Variants in DPP10 observed in about 807,000 individuals in gnomAD.
DPP10 encodes dipeptidyl peptidase like 10, also known as inactive dipeptidyl peptidase 10.
Under a neutral mutation model 120.9 loss-of-function variants are expected in DPP10, and 33 were observed. The observed-to-expected ratio is 0.27, with a 90% CI of 0.21 to 0.37. The LOEUF (loss-of-function observed/expected upper bound fraction) is 0.37. Among genes scored for constraint, DPP10 ranks in the 10% least tolerant of loss-of-function variants. The pLI is 1.00. For synonymous variants in DPP10, 337 were observed against 326.1 expected, an observed-to-expected ratio of 1.03 and a Z score of -0.36; for missense variants, 816 against 942.8, an observed-to-expected ratio of 0.87 and a Z score of 1.76.
intron 13 of DPP10, among the ~76,000 whole-genome samples, chr2:115,775,150 A>G (rs563940331): frequency 6.6e-6 from 1 of 152,220 alleles, no homozygotes; most frequent in Non-Finnish European, 1.5e-5. Context: ...TTATATGCAT[A>G]TATGAAATTA....
intron 5 of DPP10, among the ~76,000 whole-genome samples, chr2:115,661,582 T>A (rs1034232494): frequency 7.9e-5 from 12 of 152,200 alleles, no homozygotes; most frequent in Non-Finnish European, 1.3e-4. Flanking sequence ...AAAGGCTCTA[T>A]GGAGTAGAAG....
intron 5 of DPP10, among the ~76,000 whole-genome samples, chr2:115,596,228 C>T (rs1286910846): frequency 6.6e-6 from 1 of 152,132 alleles, no homozygotes; most frequent in African/African-American, 2.4e-5. Flanking sequence ...CAGTATCTGA[C>T]CTGCCTGTGT....
At chr2:115,475,191 G>A (rs905006698) in intron 3 of DPP10, among the ~76,000 whole-genome samples, 3 of 152,098 alleles carry the variant, frequency 2.0e-5, no homozygotes, top group Non-Finnish European at 2.9e-5. Context: ...TAGGAGGTCT[G>A]AATGGTTTTG....
chr2:114,457,845 C>G (rs1678667487), intron 1 of DPP10, among the ~76,000 whole-genome samples: 1 of 152,144 alleles, frequency 6.6e-6, no homozygotes. Context: ...AGTAGCACAG[C>G]TATCACCATT....
At chr2:114,723,021 C>T (rs1048685606) in intron 1 of DPP10, among the ~76,000 whole-genome samples, 1 of 152,072 alleles carries the variant, frequency 6.6e-6, no homozygotes, top group Non-Finnish European at 1.5e-5. Flanking sequence ...CTTAAGCTAT[C>T]AAGGATGGAA....
At chr2:115,203,484 G>A (rs2055890117) in intron 1 of DPP10, among the ~76,000 whole-genome samples, 1 of 152,106 alleles carries the variant, frequency 6.6e-6, no homozygotes, top group African/African-American at 2.4e-5. Context: ...AGATTGGAGA[G>A]GGAGATGCTG....
chr2:114,690,425 C>T (rs1449040268), intron 1 of DPP10, among the ~76,000 whole-genome samples: 2 of 151,986 alleles, frequency 1.3e-5, no homozygotes, highest in Non-Finnish European at 2.9e-5. Flanking sequence ...GTTCTTCATT[C>T]TGTTCCATTG....
At chr2:115,366,415 A>G (rs888109639) in intron 3 of DPP10, among the ~76,000 whole-genome samples, 3 of 152,016 alleles carry the variant, frequency 2.0e-5, no homozygotes, top group African/African-American at 4.8e-5. Flanking sequence ...ACTTTATTAT[A>G]TAGCCTTTTT....
intron 1 of DPP10, among the ~76,000 whole-genome samples, chr2:115,063,201 G>A (rs768152399): frequency 6.6e-6 from 1 of 152,116 alleles, no homozygotes; most frequent in Non-Finnish European, 1.5e-5. Context: ...TTTGAGAAGT[G>A]TCTGTTCATG....
At chr2:115,160,690 C>G (rs1322521135) in intron 1 of DPP10, among the ~76,000 whole-genome samples, 1 of 152,164 alleles carries the variant, frequency 6.6e-6, no homozygotes, top group Admixed American at 6.5e-5. Context: ...AGGCTTTAGG[C>G]GCCCTAGGGA....
At chr2:115,616,577 T>C (rs1200908503) in intron 5 of DPP10, among the ~76,000 whole-genome samples, 1 of 152,112 alleles carries the variant, frequency 6.6e-6, no homozygotes, top group Non-Finnish European at 1.5e-5. Context: ...GTTTGTAACA[T>C]TAGCAAAAAT....
Position 114,993,685 on chromosome 2 carries a change from C to T in DPP10, c.61-315554C>T, listed in dbSNP as rs188298062. ...TACCCTATGCATAAAATTTACAGAG[C>T]GTGCATATGCTTGCAAATACTTCAT... On this transcript the variant is annotated intron_variant, in intron 1 of 25. Coordinates refer to ENST00000410059, the MANE Select transcript of DPP10 (RefSeq NM_020868.6). Among the ~76,000 whole-genome samples the T allele has an allele frequency of 2.2e-3, 329 of 149,410 alleles. 1 individual carries two copies. The highest frequency in any genetic ancestry group is 4.2e-3 in the Admixed American group (63 of 14,846).
chr2:115,819,457 T>C (rs1687589667), intron 21 of DPP10, among the ~76,000 whole-genome samples: 1 of 152,180 alleles, frequency 6.6e-6, no homozygotes, highest in Non-Finnish European at 1.5e-5. Context: ...ACTCTCTTGC[T>C]CTCATTTGCA....
At chr2:115,802,074 T>A (rs182818496) in intron 19 of DPP10, among the ~76,000 whole-genome samples, 1 of 152,304 alleles carries the variant, frequency 6.6e-6, no homozygotes, top group Admixed American at 6.6e-5. Flanking sequence ...GGACTTTTTT[T>A]GGTTGGTAAG....
intron 1 of DPP10, among the ~76,000 whole-genome samples, chr2:114,717,533 A>G (rs573333104): frequency 6.6e-6 from 1 of 152,354 alleles, no homozygotes; most frequent in African/African-American, 2.4e-5. Flanking sequence ...AAAGATTTAT[A>G]ATTTAGGAGA....
intron 1 of DPP10, among the ~76,000 whole-genome samples, chr2:114,953,022 T>C (rs977291896): frequency 6.6e-6 from 1 of 151,996 alleles, no homozygotes; most frequent in African/African-American, 2.4e-5. Flanking sequence ...GTTGTTAATT[T>C]GTCCTATGTG....
chr2:114,911,796 G>A (rs1010291114), intron 1 of DPP10, among the ~76,000 whole-genome samples: 1 of 152,178 alleles, frequency 6.6e-6, no homozygotes, highest in Non-Finnish European at 1.5e-5. Flanking sequence ...CTGAGGTTTT[G>A]TTAAGCAGAT....
intron 1 of DPP10, among the ~76,000 whole-genome samples, chr2:114,933,713 A>T (rs1477879084): frequency 6.6e-6 from 1 of 152,198 alleles, no homozygotes; most frequent in African/African-American, 2.4e-5. Flanking sequence ...ATAGCCAAAC[A>T]TTTGGAAGAG....
intron 1 of DPP10, among the ~76,000 whole-genome samples, chr2:114,627,130 T>C (rs1308622545): frequency 6.6e-6 from 1 of 152,104 alleles, no homozygotes; most frequent in East Asian, 1.9e-4. Flanking sequence ...TTTTTGATCA[T>C]CTGGGTGCAC....
Sources: allele counts gnomAD v4.1 joint callset (sites outside exome capture counted in the v4.1 genomes callset), GRCh38; gene constraint gnomAD v4.1.1; transcripts MANE v1.5; gene names NCBI Gene and HGNC (gene_info 2026-07-23, HGNC 2026-07-21).